TULP4: variants seen among roughly 807,000 people sequenced by gnomAD.
The protein encoded by TULP4 is TUB like protein 4.
Under a neutral mutation model 129.0 loss-of-function variants are expected in TULP4, and 16 were observed. The observed-to-expected ratio is 0.12, with a 90% CI of 0.08 to 0.19. The LOEUF is 0.19. TULP4 is among the 10% of genes least tolerant of loss of function. The probability of loss-of-function intolerance (pLI) is 1.00; values close to 1 mark genes in which losing one functional copy is unlikely to be tolerated. For missense variants in TULP4, 1,842 were observed against 2,059.1 expected, an observed-to-expected ratio of 0.89 and a Z score of 2.04; for synonymous variants, 998 against 854.0, an observed-to-expected ratio of 1.17 and a Z score of -2.94.
intron 10 of TULP4, among the ~76,000 whole-genome samples, chr6:158,494,135 C>T (rs139340483): frequency 2.2e-3 from 342 of 152,296 alleles, no homozygotes; most frequent in African/African-American, 7.9e-3. Context: ...GATGGAACTC[C>T]ACCACCACCT....
chr6:158,335,989 T>A (rs1780023154), intron 1 of TULP4, among the ~76,000 whole-genome samples: 1 of 152,222 alleles, frequency 6.6e-6, no homozygotes, highest in South Asian at 2.1e-4. Flanking sequence ...TGTGAAGACA[T>A]ATATAGTTTT....
chr6:158,392,550 C>T lies in TULP4; in HGVS notation c.253-20515C>T, dbSNP rs1387793819. On this transcript the variant is annotated intron_variant, in intron 1 of 13. Transcript: ENST00000367097. ...CACAAGATGACTGCCATAGCTCGACCATAGTGTTAAAGGCAGGAGAAAGCA... is the reference window on the plus strand; with the variant it reads ...CACAAGATGACTGCCATAGCTCGACTATAGTGTTAAAGGCAGGAGAAAGCA... 5.3e-5 allele frequency among the ~76,000 whole-genome samples: 8 copies of T among 152,104 alleles called. 1 individual carries two copies. The highest frequency in any genetic ancestry group is 1.2e-4 in the Non-Finnish European group (8 of 68,036).
chr6:158,426,558 T>C (rs970096165), intron 2 of TULP4, among the ~76,000 whole-genome samples: 1 of 152,240 alleles, frequency 6.6e-6, no homozygotes. Flanking sequence ...CTGGGTTCTC[T>C]GTTCTGTTCC....
rs1001444867 is a variant in TULP4, at chr6:158,501,908, C to T, written c.2245C>T (p.Arg749Trp). ...DSATQYPVSN[R>W]YSNPGQVIFG... ...TGCCACCCAGTACCCAGTCTCCAAC[C>T]GGTACTCCAATCCTGGACAGGTGAT... Residue 749 changes from arginine to tryptophan, a missense_variant, in exon 13 of 14, where the codon CGG (arginine) becomes TGG (tryptophan). Transcript: ENST00000367097. The T allele has an allele frequency of 2.0e-5, 33 of 1,614,022 alleles. No homozygotes were observed. Among genetic ancestry groups the T allele is most frequent in the South Asian group, 1.1e-4 (10 of 91,086 alleles).
At chr6:158,461,176 C>T (rs1367349816) in intron 5 of TULP4, among the ~76,000 whole-genome samples, 2 of 152,200 alleles carry the variant, frequency 1.3e-5, no homozygotes, top group Non-Finnish European at 2.9e-5. Context: ...CTTTGGGAGG[C>T]CAAGGCGGGC....
At chr6:158,338,533 G>A (rs1780097260) in intron 1 of TULP4, among the ~76,000 whole-genome samples, 1 of 152,228 alleles carries the variant, frequency 6.6e-6, no homozygotes, top group African/African-American at 2.4e-5. Flanking sequence ...CTGCTGAGGT[G>A]TGAACCGTTC....
At chr6:158,382,741 C>T (rs1777356400) in intron 1 of TULP4, among the ~76,000 whole-genome samples, 2 of 152,180 alleles carry the variant, frequency 1.3e-5, no homozygotes, top group Non-Finnish European at 2.9e-5. Flanking sequence ...GGATGAGCCA[C>T]TTAGTAAGCC....
intron 1 of TULP4, among the ~76,000 whole-genome samples, chr6:158,284,309 A>G (rs772513350): frequency 2.0e-5 from 3 of 152,220 alleles, no homozygotes; most frequent in Non-Finnish European, 4.4e-5. Context: ...TGGGATTTGA[A>G]TTAATGCTAC....
Position 158,376,873 on chromosome 6 carries a change from G to C in TULP4, c.253-36192G>C, listed in dbSNP as rs571039247. ...GGCAGCCATCCCATGACCACAGGGA[G>C]CAGCTGAGGGACTCAGGGCAGCTGT... On this transcript the variant is annotated intron_variant, in intron 1 of 13. Transcript: ENST00000367097. Among the ~76,000 whole-genome samples, 96 of 152,352 alleles carry C rather than the reference G, an allele frequency of 6.3e-4. 2 individuals carry two copies. The South Asian group carries it at 0.013, about 20-fold the overall frequency.
intron 1 of TULP4, among the ~76,000 whole-genome samples, chr6:158,385,701 G>A (rs1157645752): frequency 2.1e-5 from 3 of 143,136 alleles, no homozygotes; most frequent in Non-Finnish European, 4.5e-5. Context: ...TTATTACAGT[G>A]TGTGGTATGT....
At chr6:158,350,900 A>G (rs935195347) in intron 1 of TULP4, among the ~76,000 whole-genome samples, 1 of 151,848 alleles carries the variant, frequency 6.6e-6, no homozygotes, top group Non-Finnish European at 1.5e-5. Flanking sequence ...GGCTGGGATT[A>G]CTGCCACCAC....
chr6:158,357,282 G>A (rs145909609), intron 1 of TULP4, among the ~76,000 whole-genome samples: 3 of 152,320 alleles, frequency 2.0e-5, no homozygotes, highest in East Asian at 1.9e-4. Context: ...TTAATGAAAC[G>A]TGACAGGATT....
At chr6:158,488,997 C>G (rs1205226508) in intron 8 of TULP4, among the ~76,000 whole-genome samples, 1 of 152,146 alleles carries the variant, frequency 6.6e-6, no homozygotes, top group Non-Finnish European at 1.5e-5. Flanking sequence ...CTGGGAGTTC[C>G]CACCGCACAG....
intron 2 of TULP4, among the ~76,000 whole-genome samples, chr6:158,427,202 T>C (rs753024651): frequency 1.8e-3 from 281 of 152,294 alleles, no homozygotes; most frequent in Non-Finnish European, 2.5e-3. Flanking sequence ...ATCTTTATAC[T>C]GAGTAAAAGT....
At chr6:158,307,212 C>T (rs1779229851) in intron 1 of TULP4, among the ~76,000 whole-genome samples, 1 of 152,164 alleles carries the variant, frequency 6.6e-6, no homozygotes. Flanking sequence ...GCTAGGTTCT[C>T]ATATTTGCTT....
chr6:158,369,715 G>A (rs1014379484), intron 1 of TULP4, among the ~76,000 whole-genome samples: 10 of 152,080 alleles, frequency 6.6e-5, no homozygotes, highest in South Asian at 2.1e-4. Context: ...AAATCTATAC[G>A]TGTTTGCTTC....
intron 1 of TULP4, among the ~76,000 whole-genome samples, chr6:158,269,155 T>C (rs1778502169): frequency 6.6e-6 from 1 of 152,194 alleles, no homozygotes; most frequent in Admixed American, 6.5e-5. Context: ...TGGCCTAGGT[T>C]CATACATTGT....
intron 1 of TULP4, among the ~76,000 whole-genome samples, chr6:158,339,890 A>G (rs1780140328): frequency 6.6e-6 from 1 of 152,250 alleles, no homozygotes. Context: ...TTAAGAGATT[A>G]AAGACAGGCA....
chr6:158,301,110 T>C (rs1583718879), intron 1 of TULP4, among the ~76,000 whole-genome samples: 1 of 152,354 alleles, frequency 6.6e-6, no homozygotes, highest in East Asian at 1.9e-4. Context: ...ATTACCAATA[T>C]GTTTGATAGT....
Sources: gnomAD v4.1 joint callset for allele counts (sites outside exome capture counted in the v4.1 genomes callset) on GRCh38, gnomAD v4.1.1 for gene constraint, MANE v1.5 for transcripts, NCBI Gene and HGNC (gene_info 2026-07-23, HGNC 2026-07-21) for gene names.